Variants in JMJD1C observed in about 807,000 individuals in gnomAD.
JMJD1C encodes the protein jumonji domain-containing protein 1C.
Under a neutral mutation model 245.3 loss-of-function variants are expected in JMJD1C, and 31 were observed. The observed-to-expected ratio is 0.13, with a 90% CI of 0.09 to 0.17. The LOEUF (loss-of-function observed/expected upper bound fraction) is 0.17, where lower values mean the gene tolerates loss of function less well. Ranked by LOEUF, JMJD1C falls within the 10% of genes least tolerant of loss-of-function variation. The pLI, the probability that JMJD1C is intolerant of heterozygous loss-of-function variation, is 1.00. For synonymous variants in JMJD1C, 1,057 were observed against 1,017.4 expected (o/e 1.04, Z -0.74); for missense variants, 2,691 against 3,000.2 (o/e 0.90, Z 2.41).
At chr10:63,305,459 CCTCTCTCTCTCTCTCTCTCTCT>C (rs371564275) in intron 2 of JMJD1C, among the ~76,000 whole-genome samples, 3 of 113,020 alleles carry the variant, frequency 2.7e-5, no homozygotes, top group Non-Finnish European at 3.6e-5. Context: ...ACGCTCTGAC[CCTCTCTCTCTCTCTCTCTCTCT>C]CTCTCTCTCT....
chr10:63,479,942 A>G (rs890124970), intron 1 of JMJD1C, among the ~76,000 whole-genome samples: 1 of 152,212 alleles, frequency 6.6e-6, no homozygotes, highest in African/African-American at 2.4e-5. Flanking sequence ...ATTTTTGAGA[A>G]GACTAAATAT....
chr10:63,289,664 T>C (rs1858409007), intron 2 of JMJD1C, among the ~76,000 whole-genome samples: 2 of 152,192 alleles, frequency 1.3e-5, no homozygotes, highest in South Asian at 4.1e-4. Flanking sequence ...AATTTACAAA[T>C]ACCTTAATGC....
chr10:63,403,368 C>G (rs1216137662), intron 1 of JMJD1C, among the ~76,000 whole-genome samples: 15 of 152,176 alleles, frequency 9.9e-5, no homozygotes, highest in Admixed American at 9.8e-4. Context: ...TACTTAAAAT[C>G]ACTTAAGGTC....
chr10:63,183,791 A>C (rs1843762840), intron 21 of JMJD1C, among the ~76,000 whole-genome samples: 1 of 152,228 alleles, frequency 6.6e-6, no homozygotes, highest in Non-Finnish European at 1.5e-5. Context: ...AAAATCAAAT[A>C]AATAAAAAAT....
At chr10:63,347,030 G>A (rs909074786) in intron 2 of JMJD1C, among the ~76,000 whole-genome samples, 1 of 150,930 alleles carries the variant, frequency 6.6e-6, no homozygotes, top group East Asian at 1.9e-4. Flanking sequence ...TTTTTAATGA[G>A]CTTTTACTAT....
rs541171365 is a variant in JMJD1C at position 63,237,030 on chromosome 10, T to TTTTTG, written c.448-17052_448-17048dup. Among the ~76,000 whole-genome samples, 47 of 152,112 alleles carry TTTTTG rather than the reference T, an allele frequency of 3.1e-4. No homozygotes were observed. The South Asian group carries it at 3.9e-3, about 13-fold the overall frequency. Reference sequence around the variant, plus strand: ...ATTGATTCATACAGAACAAACACTGTTTTTGTTTTGTTTTGTTTTGTTTTT... The same window carrying TTTTTG: ...ATTGATTCATACAGAACAAACACTGTTTTTGTTTTGTTTTGTTTTGTTTTGTTTTT... On this transcript the variant is annotated intron_variant, in intron 3 of 25. Transcript: ENST00000399262.
intron 8 of JMJD1C, among the ~76,000 whole-genome samples, chr10:63,212,527 A>T (rs998932180): frequency 2.6e-5 from 4 of 152,310 alleles, no homozygotes; most frequent in African/African-American, 9.6e-5. Context: ...TACATGGCTC[A>T]TGAATGAACA....
At chr10:63,326,381 A>AAAATAAAT (rs10630310) in intron 2 of JMJD1C, among the ~76,000 whole-genome samples, 1,525 of 143,294 alleles carry the variant, frequency 0.011, 13 homozygotes, top group African/African-American at 0.022. Context: ...TTCCATCTCA[A>AAAATAAAT]AAATAAATAA....
At chr10:63,389,353 A>G (rs2134584680) in intron 1 of JMJD1C, among the ~76,000 whole-genome samples, 1 of 148,608 alleles carries the variant, frequency 6.7e-6, no homozygotes. Flanking sequence ...ATCTAAATGG[A>G]GAGAAAGAGT....
intron 1 of JMJD1C, among the ~76,000 whole-genome samples, chr10:63,459,586 A>G (rs1952644469): frequency 6.6e-6 from 1 of 152,190 alleles, no homozygotes; most frequent in Non-Finnish European, 1.5e-5. Context: ...AAGCTTTGGG[A>G]TACACCTGGA....
chr10:63,207,171 T>C lies in JMJD1C; in HGVS notation c.4498A>G (p.Ser1500Gly), dbSNP rs764824848. The C allele has an allele frequency of 4.3e-6, 7 of 1,614,218 alleles. No homozygotes were observed. The South Asian group carries it at 5.5e-5, about 13-fold the overall frequency. ...TTTATAGCATTAGGTTCAGTCTCAC[T>C]GGCATTACTACTTTTATACTGAGCT... The part of the protein sequence containing the change: ...AAAQYKSSNA[S>G]ETEPNAIKNQ... The change falls in exon 10 of 26, where the codon AGT (serine) becomes GGT (glycine). Residue 1500 changes from serine to glycine, a missense_variant. Physicochemically the swap from Ser to Gly is moderately conservative, Grantham distance 56 (BLOSUM62 0). This residue lies in a region of JMJD1C where 1,562 missense variants were observed against 1,490.7 expected (regional missense o/e 1.05). Transcript: ENST00000399262.
intron 2 of JMJD1C, among the ~76,000 whole-genome samples, chr10:63,271,182 CT>C (rs769083228): frequency 1.6e-3 from 237 of 150,588 alleles, no homozygotes; most frequent in African/African-American, 5.6e-3. Flanking sequence ...TTTTTCTTTT[CT>C]TTTTTTTTCT....
chr10:63,378,407 C>T (rs945463760), intron 2 of JMJD1C, among the ~76,000 whole-genome samples: 1 of 151,912 alleles, frequency 6.6e-6, no homozygotes, highest in Non-Finnish European at 1.5e-5. Context: ...CTGGCTAACA[C>T]GGTGAAACCC....
chr10:63,459,137 T>C (rs897379889), intron 1 of JMJD1C, among the ~76,000 whole-genome samples: 3 of 152,190 alleles, frequency 2.0e-5, no homozygotes, highest in African/African-American at 7.2e-5. Context: ...CTCTGAAGGA[T>C]TTAGAACAGA....
At chr10:63,197,304 A>G (rs913254786) in intron 13 of JMJD1C, 107 bp downstream of exon 13, 16 of 918,440 alleles carry the variant, frequency 1.7e-5, no homozygotes, top group Admixed American at 2.7e-5. Flanking sequence ...AATACTTAAT[A>G]CATTAATAAG....
At chr10:63,203,418 T>G in intron 10 of JMJD1C, 1 of 985,356 alleles carries the variant, frequency 1.0e-6, no homozygotes, top group Non-Finnish European at 1.2e-6. Context: ...AACAGAAAAC[T>G]GGGGAGGAAG....
intron 10 of JMJD1C, chr10:63,204,995 A>G: frequency 1.0e-6 from 1 of 985,258 alleles, no homozygotes; most frequent in Middle Eastern, 5.2e-4. Flanking sequence ...ACACACGGAC[A>G]TAGTGAAACT....
chr10:63,217,110 T>C, intron 5 of JMJD1C, 97 bp downstream of exon 5: 1 of 1,120,080 alleles, frequency 8.9e-7, no homozygotes, highest in Non-Finnish European at 1.3e-6. Context: ...ACCCTAGAGA[T>C]AAAAATTATT....
chr10:63,252,757 TCCC>T (rs1455172542), intron 3 of JMJD1C, among the ~76,000 whole-genome samples: 2 of 152,040 alleles, frequency 1.3e-5, no homozygotes, highest in Non-Finnish European at 2.9e-5. Flanking sequence ...CATAAGATAT[TCCC>T]CCATCAGCTG....
Sources: allele counts gnomAD v4.1 joint callset (sites outside exome capture counted in the v4.1 genomes callset), GRCh38; gene constraint gnomAD v4.1.1; regional missense constraint gnomAD v4.1.1; transcripts MANE v1.5; gene names NCBI Gene and HGNC (gene_info 2026-07-23, HGNC 2026-07-21).